TJP1: variants seen among roughly 807,000 people sequenced by gnomAD.
TJP1 encodes the protein tight junction protein ZO-1.
In TJP1, 43 loss-of-function variants were observed where a neutral mutation model predicts 194.2. The observed-to-expected ratio is 0.22, with a 90% confidence interval of 0.17 to 0.29. The LOEUF is 0.29. Ranked by LOEUF, TJP1 falls within the 10% of genes least tolerant of loss-of-function variation. The pLI is 1.00. For missense variants in TJP1, 1,971 were observed against 2,185.7 expected (o/e 0.90, Z 1.96); for synonymous variants, 801 against 779.0 (o/e 1.03, Z -0.47).
chr15:29,935,073 C>T (rs2054839521), intron 2 of TJP1, among the ~76,000 whole-genome samples: 1 of 152,316 alleles, frequency 6.6e-6, no homozygotes, highest in Non-Finnish European at 1.5e-5. Context: ...ACTACATTCA[C>T]ATTATTCCGT....
chr15:29,833,363 A>G (rs561408980), intron 2 of TJP1, among the ~76,000 whole-genome samples: 1 of 152,264 alleles, frequency 6.6e-6, no homozygotes, highest in East Asian at 1.9e-4. Context: ...AGATAGTTAA[A>G]TATTTCTCCA....
At chr15:29,950,758 A>G (rs2055719184) in intron 2 of TJP1, among the ~76,000 whole-genome samples, 1 of 152,112 alleles carries the variant, frequency 6.6e-6, no homozygotes, top group East Asian at 1.9e-4. Flanking sequence ...CCAGGCGCCC[A>G]TGGTGGAGAA....
chr15:29,836,117 G>C (rs1032449222), intron 2 of TJP1, among the ~76,000 whole-genome samples: 14 of 152,146 alleles, frequency 9.2e-5, no homozygotes, highest in Non-Finnish European at 1.9e-4. Context: ...AACCACTGTG[G>C]TGTCAGGAGG....
At chr15:29,937,263 A>C (rs2152278351) in intron 2 of TJP1, among the ~76,000 whole-genome samples, 1 of 152,348 alleles carries the variant, frequency 6.6e-6, no homozygotes, top group East Asian at 1.9e-4. Flanking sequence ...ATAGTAATAC[A>C]CTAGAAAACC....
chr15:29,790,661 T>A (rs2048013305), intron 2 of TJP1, among the ~76,000 whole-genome samples: 1 of 152,006 alleles, frequency 6.6e-6, no homozygotes, highest in East Asian at 1.9e-4. Context: ...TTTGCACCCA[T>A]TAACCAAGTC....
chr15:29,702,270 G>A (rs260526), intron 27 of TJP1, among the ~76,000 whole-genome samples: 12,323 of 152,204 alleles, frequency 0.081, 539 homozygotes, highest in African/African-American at 0.091. Context: ...AAAAAAACGA[G>A]ACTGCACCAG....
chr15:29,818,490 T>TA (rs2050090734), intron 1 of TJP1, among the ~76,000 whole-genome samples: 2 of 152,178 alleles, frequency 1.3e-5, no homozygotes, highest in South Asian at 4.1e-4. Flanking sequence ...ATCACACATA[T>TA]AAAAAACGTT....
At chr15:29,756,955 CTAT>C in intron 8 of TJP1, among the ~76,000 whole-genome samples, 1 of 152,242 alleles carries the variant, frequency 6.6e-6, no homozygotes, top group East Asian at 1.9e-4. Flanking sequence ...ACTTATGATA[CTAT>C]TATTACTACT....
At chr15:29,753,831 A>C (rs1186131604) in intron 8 of TJP1, among the ~76,000 whole-genome samples, 1 of 152,022 alleles carries the variant, frequency 6.6e-6, no homozygotes, top group African/African-American at 2.4e-5. Context: ...AGAAAAAAAA[A>C]AAAAAAACAA....
At chr15:29,894,764 C>T (rs2053424121) in intron 2 of TJP1, among the ~76,000 whole-genome samples, 1 of 152,198 alleles carries the variant, frequency 6.6e-6, no homozygotes, top group African/African-American at 2.4e-5. Flanking sequence ...CTACATTCTT[C>T]AGAATCTAGG....
intron 10 of TJP1, among the ~76,000 whole-genome samples, chr15:29,740,181 T>TA (rs2044311386): frequency 6.6e-6 from 1 of 151,268 alleles, no homozygotes; most frequent in Non-Finnish European, 1.5e-5. Flanking sequence ...TTCACCATGT[T>TA]AGCCAGGATG....
intron 23 of TJP1, among the ~76,000 whole-genome samples, chr15:29,713,446 T>C (rs917406921): frequency 3.3e-5 from 5 of 152,234 alleles, no homozygotes; most frequent in Non-Finnish European, 5.9e-5. Flanking sequence ...TGTCCTGTGC[T>C]AACAAAGATT....
intron 1 of TJP1, among the ~76,000 whole-genome samples, chr15:29,802,274 A>C (rs1183554748): frequency 1.3e-5 from 2 of 152,332 alleles, no homozygotes; most frequent in East Asian, 3.9e-4. Flanking sequence ...TGCTGTCATT[A>C]GCATCATGAG....
At chr15:29,731,864 A>G (rs553439497) in intron 15 of TJP1, among the ~76,000 whole-genome samples, 171 of 152,360 alleles carry the variant, frequency 1.1e-3, no homozygotes, top group Non-Finnish European at 1.8e-3. Flanking sequence ...TTTGGCATAC[A>G]AAGCACTGCA....
intron 2 of TJP1, among the ~76,000 whole-genome samples, chr15:29,856,500 A>G (rs1454289611): frequency 6.6e-6 from 1 of 152,156 alleles, no homozygotes; most frequent in Non-Finnish European, 1.5e-5. Flanking sequence ...GGGTGTGATG[A>G]AAGTCTTCTG....
intron 2 of TJP1, among the ~76,000 whole-genome samples, chr15:29,791,335 G>A (rs1175332549): frequency 6.8e-6 from 1 of 147,822 alleles, no homozygotes; most frequent in Non-Finnish European, 1.5e-5. Context: ...GCCTTTCTTT[G>A]GGATATATAC....
At chr15:29,705,788 C>T (rs201647996) in intron 25 of TJP1, 43 bp from the exon 26 acceptor site, 1 of 1,568,896 alleles carries the variant, frequency 6.4e-7, no homozygotes, top group Non-Finnish European at 8.8e-7. Context: ...CCTAATAATA[C>T]ACAGGTGCTT....
intron 2 of TJP1, among the ~76,000 whole-genome samples, chr15:29,877,691 C>T (rs1268991234): frequency 1.3e-5 from 2 of 149,338 alleles, no homozygotes; most frequent in East Asian, 2.0e-4. Context: ...GAGAGTCTCA[C>T]TCTGTTGCCC....
chr15:29,803,336 C>T (rs548000019), intron 1 of TJP1, among the ~76,000 whole-genome samples: 2 of 152,262 alleles, frequency 1.3e-5, no homozygotes, highest in East Asian at 3.9e-4. Flanking sequence ...CATTGTTTTT[C>T]ATTTCCACTA....
Sources: gnomAD v4.1 joint callset for allele counts (sites outside exome capture counted in the v4.1 genomes callset) on GRCh38, gnomAD v4.1.1 for gene constraint, MANE v1.5 for transcripts, NCBI Gene and HGNC (gene_info 2026-07-23, HGNC 2026-07-21) for gene names.